The following FMN2 variants were observed in gnomAD, a reference collection of about 807,000 sequenced individuals.
The protein encoded by FMN2 is formin 2.
FMN2 carries 51 observed loss-of-function variants against 142.3 expected under a neutral mutation model. The ratio of observed to expected loss-of-function variants is 0.36; its 90% confidence interval spans 0.29 to 0.45. The LOEUF (loss-of-function observed/expected upper bound fraction) is 0.45. FMN2 is among the 20% of genes least tolerant of loss of function. The pLI, the probability that FMN2 is intolerant of heterozygous loss-of-function variation, is 1.00. For synonymous variants in FMN2, 882 were observed against 869.8 expected (o/e 1.01, Z -0.25); for missense variants, 1,936 against 2,122.8 (o/e 0.91, Z 1.73).
intron 1 of FMN2, among the ~76,000 whole-genome samples, chr1:240,102,976 C>G (rs903588077): frequency 1.3e-5 from 2 of 151,202 alleles, no homozygotes; most frequent in African/African-American, 4.9e-5. Flanking sequence ...GAGATTCTTT[C>G]ACCTCAGCCT....
intron 15 of FMN2, among the ~76,000 whole-genome samples, chr1:240,410,162 GAA>G (rs34061142): frequency 0.23 from 34,008 of 149,284 alleles, 4,507 homozygotes; most frequent in East Asian, 0.59. Context: ...ACATAAATCT[GAA>G]AAAAAAAAAA....
intron 2 of FMN2, among the ~76,000 whole-genome samples, chr1:240,162,579 T>G (rs1664322892): frequency 6.9e-6 from 1 of 144,032 alleles, no homozygotes; most frequent in African/African-American, 2.6e-5. Flanking sequence ...TATTTTTAAA[T>G]TTTGGTGTAA....
chr1:240,188,352 C>A, intron 4 of FMN2, 90 bp downstream of exon 4: 2 of 1,385,710 alleles, frequency 1.4e-6, no homozygotes, highest in Non-Finnish European at 2.0e-6. Context: ...TTCCATCTGC[C>A]CGGCTGGCTA....
At chr1:240,114,719 G>T (rs1466926584) in intron 1 of FMN2, among the ~76,000 whole-genome samples, 1 of 148,904 alleles carries the variant, frequency 6.7e-6, no homozygotes, top group East Asian at 2.0e-4. Context: ...GTGCAATGGC[G>T]AGATTTCAGC....
chr1:240,367,767 CAAA>C (rs60368715), intron 14 of FMN2, among the ~76,000 whole-genome samples: 1,054 of 54,070 alleles, frequency 0.019, 3 homozygotes, highest in African/African-American at 0.049. Context: ...GACTCAGTCT[CAAA>C]AAAAAAAAAA....
chr1:240,304,306 A>T (rs1191788416), intron 8 of FMN2, among the ~76,000 whole-genome samples: 4 of 152,178 alleles, frequency 2.6e-5, no homozygotes, highest in Non-Finnish European at 2.9e-5. Flanking sequence ...TGGAAATCAC[A>T]TTCTCCCTCT....
chr1:240,384,649 C>T (rs1476190306), intron 14 of FMN2, among the ~76,000 whole-genome samples: 2 of 152,098 alleles, frequency 1.3e-5, no homozygotes, highest in Non-Finnish European at 2.9e-5. Context: ...ACTTCTCTCT[C>T]GATAGGCAAA....
chr1:240,334,357 C>G (rs10926220), intron 13 of FMN2, 128 bp downstream of exon 13: 1 of 1,105,678 alleles, frequency 9.0e-7, no homozygotes, highest in Non-Finnish European at 1.2e-6. Flanking sequence ...GTGTGTGTGG[C>G]GAAAGAACAA....
At chr1:240,415,002 C>T (rs933392154) in intron 15 of FMN2, among the ~76,000 whole-genome samples, 4 of 152,106 alleles carry the variant, frequency 2.6e-5, no homozygotes, top group African/African-American at 9.7e-5. Context: ...ATCATCTCCC[C>T]AAGAAACACC....
intron 6 of FMN2, chr1:240,235,851 T>A (rs930621500): frequency 2.0e-5 from 3 of 152,216 alleles, no homozygotes; most frequent in African/African-American, 4.8e-5. Flanking sequence ...CTCTGCCCCA[T>A]ATCAAAGTTG....
Position 240,098,097 on chromosome 1 carries a change from A to ATTTTTTTTTTTTT in FMN2, c.1615+4382_1615+4394dup, listed in dbSNP as rs35191164. ...TTGGCCTTTCTAAAGGTTATCTTGA[A>ATTTTTTTTTTTTT]TTTTTTTTTTTTTTTTTTTTTGGAG... is the stretch of plus-strand genomic sequence containing the variant. On this transcript the variant is annotated intron_variant, in intron 1 of 17. Transcript: ENST00000319653. Among the ~76,000 whole-genome samples, 39 of 98,664 alleles carry ATTTTTTTTTTTTT rather than the reference A, an allele frequency of 4.0e-4. 3 individuals carry two copies. The highest frequency in any genetic ancestry group is 1.4e-3 in the African/African-American group (30 of 21,852). 64.7% of individuals were successfully genotyped at this position (98,664 alleles called of 152,430 possible).
chr1:240,228,303 CAAAAAAAAAA>C (rs577421634), intron 6 of FMN2, among the ~76,000 whole-genome samples: 1,120 of 47,716 alleles, frequency 0.023, 48 homozygotes, highest in African/African-American at 0.054. Flanking sequence ...AACTCTGTCT[CAAAAAAAAAA>C]AAAAAAAAAA....
intron 6 of FMN2, among the ~76,000 whole-genome samples, chr1:240,212,401 T>A (rs1195195724): frequency 2.0e-5 from 3 of 152,224 alleles, no homozygotes; most frequent in Non-Finnish European, 4.4e-5. Context: ...ATTATGCAGT[T>A]GAATTCTTTT....
intron 13 of FMN2, among the ~76,000 whole-genome samples, chr1:240,352,870 T>C (rs1053631587): frequency 7.9e-5 from 12 of 152,174 alleles, no homozygotes; most frequent in Admixed American, 6.5e-4. Context: ...CCACAGGAAG[T>C]TGACTACGGA....
chr1:240,190,175 A>G (rs1279035366), intron 4 of FMN2, among the ~76,000 whole-genome samples: 2 of 152,200 alleles, frequency 1.3e-5, no homozygotes, highest in Non-Finnish European at 2.9e-5. Flanking sequence ...GGAGTAGGTT[A>G]TTTAAAAACA....
chr1:240,276,992 G>C (rs4450006), intron 7 of FMN2, among the ~76,000 whole-genome samples: 1 of 152,166 alleles, frequency 6.6e-6, no homozygotes, highest in Admixed American at 6.5e-5. Context: ...TTTAAAATCA[G>C]GCTGTGTGTT....
In FMN2 at chr1:240,091,892, G is replaced by C; in HGVS notation, c.-218G>C. The C allele has an allele frequency of 1.3e-6, 1 of 743,508 alleles. No homozygotes were observed. Among genetic ancestry groups the C allele is most frequent in the Non-Finnish European group, 2.0e-6 (1 of 511,564 alleles). 46.1% of individuals were successfully genotyped at this position (743,508 alleles called of 1,614,324 possible). On this transcript the variant is annotated 5_prime_UTR_variant, in exon 1 of 18. Transcript: ENST00000319653. ...CCGCCGGCCCCTAGCCGCAGCCGCA[G>C]CCGCAGCGACGGCAGCCACGGGAGC...
chr1:240,254,256 C>T (rs115744933), intron 6 of FMN2, among the ~76,000 whole-genome samples: 2,263 of 148,146 alleles, frequency 0.015, 45 homozygotes, highest in African/African-American at 0.045. Flanking sequence ...ACAGGCCACG[C>T]GGGGCAGTCT....
chr1:240,324,400 G>A (rs1329551203), intron 8 of FMN2, among the ~76,000 whole-genome samples: 2 of 152,180 alleles, frequency 1.3e-5, no homozygotes, highest in African/African-American at 2.4e-5. Context: ...GCTCATGCCT[G>A]TAATCCCAGC....
Sources: gnomAD v4.1 joint callset for allele counts (sites outside exome capture counted in the v4.1 genomes callset) on GRCh38, gnomAD v4.1.1 for gene constraint, MANE v1.5 for transcripts, NCBI Gene and HGNC (gene_info 2026-07-23, HGNC 2026-07-21) for gene names.